The following CBX2 variants were observed in gnomAD, a reference collection of about 807,000 sequenced individuals.
The protein encoded by CBX2 is chromobox 2.
In CBX2, 11 loss-of-function variants were observed where a neutral mutation model predicts 21.0. The ratio of observed to expected loss-of-function variants is 0.52; its 90% CI spans 0.33 to 0.87. The LOEUF (loss-of-function observed/expected upper bound fraction) is 0.87, where lower values mean the gene tolerates loss of function less well. Ranked by LOEUF, CBX2 falls within the 40% of genes least tolerant of loss-of-function variation. The pLI is 0.02. For missense variants in CBX2, 746 were observed against 724.3 expected, an observed-to-expected ratio of 1.03 and a Z score of -0.34; for synonymous variants, 364 against 304.6, an observed-to-expected ratio of 1.19 and a Z score of -2.03.
rs146970180 is a variant in CBX2, at chr17:79,784,541, C to T, written c.1098C>T (p.Pro366=). 96 of 1,612,566 alleles carry T rather than the reference C, an allele frequency of 6.0e-5. No homozygotes were observed. The Admixed American group carries it at 9.5e-4, about 16-fold the overall frequency. Residue 366 remains proline, a synonymous_variant, in exon 5 of 5, where the codon CCC becomes CCT. Coordinates refer to ENST00000310942, the MANE Select transcript of CBX2 (RefSeq NM_005189.3). The surrounding 1 kb of genome is among the most constrained non-coding windows in gnomAD (Gnocchi z 5.9). ...TGCAGAGTGTCAAGAATGGCATGCC[C>T]GGGGTGGGTCTCCTTGCCCGCCACG... is the stretch of plus-strand genomic sequence containing the variant. ...LDLQSVKNGM[P]GVGLLARHAT...
At position 79,784,582 on chromosome 17, in the gene CBX2, G is replaced by T. The variant is rs782564910; in HGVS notation, c.1139G>T (p.Gly380Val). 1.9e-6 allele frequency: 3 copies of T among 1,612,684 alleles called. No homozygotes were observed. The highest frequency in any genetic ancestry group is 8.5e-7 in the Non-Finnish European group (1 of 1,179,948). Reference sequence around the variant, plus strand: ...GCCCGCCACGCCACCGCCACCAAGGGTGTCCCGGCCACCAACCCAGCCCCT... The same window carrying T: ...GCCCGCCACGCCACCGCCACCAAGGTTGTCCCGGCCACCAACCCAGCCCCT... ...LLARHATATK[G>V]VPATNPAPGK... Residue 380 changes from glycine (G) to valine (V), a missense_variant, in exon 5 of 5, where the codon GGT (glycine) becomes GTT (valine). Gly to Val is a moderately radical substitution (Grantham distance 109). This residue lies in a region of CBX2 where 701 missense variants were observed against 650.7 expected (regional missense o/e 1.08). Coordinates refer to ENST00000310942, the MANE Select transcript of CBX2 (RefSeq NM_005189.3). This position sits in a 1 kb window ranked among gnomAD's most constrained non-coding sequence, Gnocchi z 5.9.
chr17:79,785,139 G>C lies in CBX2; in HGVS notation c.*97G>C. Reference sequence around the variant, plus strand: ...CCAGCCCAAGCCCCCTCAAGAGTCTGGGTCGGGGGAGGAGGAGTGGGTGGC... The same window carrying C: ...CCAGCCCAAGCCCCCTCAAGAGTCTCGGTCGGGGGAGGAGGAGTGGGTGGC... On this transcript the variant is annotated 3_prime_UTR_variant, in exon 5 of 5. Coordinates refer to ENST00000310942, the MANE Select transcript of CBX2 (RefSeq NM_005189.3). 1 of 1,107,570 alleles carries C rather than the reference G, an allele frequency of 9.0e-7. No individual in the cohort carries two copies. The highest frequency in any genetic ancestry group is 1.3e-6 in the Non-Finnish European group (1 of 745,236). The allele number at this position is 1,107,570 out of a possible 1,614,324, so 68.6% of individuals were successfully genotyped here. A position where few individuals can be genotyped will look rare whatever the true frequency, so the allele number is the denominator to read the frequency against.
rs782611959 is a variant in CBX2, at chr17:79,781,785, G to A, written c.272G>A (p.Arg91Gln). 3.0e-5 allele frequency: 48 copies of A among 1,613,962 alleles called. No homozygotes were observed. The highest frequency in any genetic ancestry group is 5.5e-5 in the South Asian group (5 of 91,090). Reference protein sequence around the residue: ...RKLTAMSSCSRRSKLKEPDAP... With the variant: ...RKLTAMSSCSQRSKLKEPDAP... Reference sequence around the variant, plus strand: ...CTCACTGCCATGTCCTCCTGCAGCCGGCGCTCCAAGCTCAAGGTGGGTGGC... The same window carrying A: ...CTCACTGCCATGTCCTCCTGCAGCCAGCGCTCCAAGCTCAAGGTGGGTGGC... Residue 91 changes from arginine to glutamine, a missense_variant, in exon 4 of 5, where the codon CGG (arginine) becomes CAG (glutamine). Physicochemically the swap from Arg to Gln is conservative, Grantham distance 43. Coordinates refer to ENST00000310942, the MANE Select transcript of CBX2 (RefSeq NM_005189.3).
In CBX2 at chr17:79,784,534, G is replaced by C. The variant is rs1907486878; in HGVS notation, c.1091G>C (p.Gly364Ala). ...QVLDLQSVKN[G>A]MPGVGLLARH... ...TTGGACTTGCAGAGTGTCAAGAATG[G>C]CATGCCCGGGGTGGGTCTCCTTGCC... is the stretch of plus-strand genomic sequence containing the variant. Residue 364 changes from glycine (G) to alanine (A), a missense_variant, in exon 5 of 5, where the codon GGC (glycine) becomes GCC (alanine). Transcript: ENST00000310942. The surrounding 1 kb of genome is among the most constrained non-coding windows in gnomAD (Gnocchi z 5.9). The C allele has an allele frequency of 1.9e-6, 3 of 1,612,612 alleles. No individual in the cohort carries two copies. The highest frequency in any genetic ancestry group is 2.5e-6 in the Non-Finnish European group (3 of 1,179,882).
rs138828014 is a variant in CBX2, at chr17:79,784,781, C to T, written c.1338C>T (p.Pro446=). 3.2e-5 allele frequency: 52 copies of T among 1,610,146 alleles called. No individual in the cohort carries two copies. In the African/African-American group the frequency reaches 3.9e-4, roughly 12 times the overall value. ...TPSGQESRTA[P]GEARKAATLP... Reference sequence around the variant, plus strand: ...GTGGGCAGGAGAGCCGCACAGCCCCCGGAGAAGCCCGCAAGGCGGCCACAC... The same window carrying T: ...GTGGGCAGGAGAGCCGCACAGCCCCTGGAGAAGCCCGCAAGGCGGCCACAC... The change falls in exon 5 of 5, where the codon CCC becomes CCT. Residue 446 remains proline (P), a synonymous_variant. Coordinates refer to ENST00000310942, the MANE Select transcript of CBX2 (RefSeq NM_005189.3). This position sits in a 1 kb window ranked among gnomAD's most constrained non-coding sequence, Gnocchi z 5.9.
rs1555830948 is a variant in CBX2, at chr17:79,783,742, C to A, written c.299C>A (p.Ala100Asp). The A allele has an allele frequency of 1.9e-6, 3 of 1,552,512 alleles. No individual in the cohort carries two copies. Among genetic ancestry groups the A allele is most frequent in the Non-Finnish European group, 2.6e-6 (3 of 1,147,336 alleles). The change falls in exon 5 of 5, where the codon GCT becomes GAT. Residue 100 changes from alanine to aspartate, a missense_variant. Around this residue, in one of 2 missense-constraint regions of CBX2, gnomAD observed 701 missense variants for 650.7 expected, o/e 1.08. Coordinates refer to ENST00000310942, the MANE Select transcript of CBX2 (RefSeq NM_005189.3). ...SRRSKLKEPD[A>D]PSKSKSSSSS... The stretch of plus-strand genomic sequence containing the variant: ...CCTTTATCTTTCCAGGAACCCGATG[C>A]TCCCTCCAAATCCAAGTCCAGCAGT...
chr17:79,782,863 A>C lies in CBX2; in HGVS notation c.289-869A>C, dbSNP rs35558545. On this transcript the variant is annotated intron_variant, in intron 4 of 4. Coordinates refer to ENST00000310942, the MANE Select transcript of CBX2 (RefSeq NM_005189.3). The stretch of plus-strand genomic sequence containing the variant: ...GCTGTAGAATTCTGACCCAGCAGGC[A>C]GCATGGCGGCCTGTAAAACACAAGG... Among the ~76,000 whole-genome samples, 979 of 152,304 alleles carry C rather than the reference A, an allele frequency of 6.4e-3. 9 individuals carry two copies. The highest frequency in any genetic ancestry group is 0.017 in the Middle Eastern group (5 of 294).
chr17:79,784,571 C>A lies in CBX2; in HGVS notation c.1128C>A (p.Thr376=). 3.7e-6 allele frequency: 6 copies of A among 1,612,624 alleles called. No individual in the cohort carries two copies. Among genetic ancestry groups the A allele is most frequent in the Non-Finnish European group, 1.7e-6 (2 of 1,179,916 alleles). ...PGVGLLARHA[T]ATKGVPATNP... is the part of the protein sequence containing the mutation. Reference sequence around the variant, plus strand: ...TGGGTCTCCTTGCCCGCCACGCCACCGCCACCAAGGGTGTCCCGGCCACCA... The same window carrying A: ...TGGGTCTCCTTGCCCGCCACGCCACAGCCACCAAGGGTGTCCCGGCCACCA... Residue 376 remains threonine, a synonymous_variant, in exon 5 of 5, where the codon ACC becomes ACA. Coordinates refer to ENST00000310942, the MANE Select transcript of CBX2 (RefSeq NM_005189.3). The surrounding 1 kb of genome is among the most constrained non-coding windows in gnomAD (Gnocchi z 5.9).
chr17:79,784,975 A>G lies in CBX2; in HGVS notation c.1532A>G (p.Asn511Ser). Residue 511 changes from asparagine to serine, a missense_variant, in exon 5 of 5, where the codon AAC (asparagine) becomes AGC (serine). Asn to Ser is a conservative substitution (Grantham distance 46). This residue lies in a region of CBX2 where 701 missense variants were observed against 650.7 expected (regional missense o/e 1.08). Transcript: ENST00000310942. This position sits in a 1 kb window ranked among gnomAD's most constrained non-coding sequence, Gnocchi z 5.9. ...EHVFVTDVTA[N>S]LITVTVKESP... ...GTATTTGTCACCGACGTCACTGCCA[A>G]CCTCATCACCGTCACAGTGAAGGAG... The G allele has an allele frequency of 1.2e-6, 2 of 1,608,454 alleles. No individual in the cohort carries two copies. Among genetic ancestry groups the G allele is most frequent in the Non-Finnish European group, 8.5e-7 (1 of 1,179,984 alleles).
rs1195856314 is a variant in CBX2 at position 79,783,851 on chromosome 17, C to T, written c.408C>T (p.Gly136=). 2 of 1,613,416 alleles carry T rather than the reference C, an allele frequency of 1.2e-6. No homozygotes were observed. The highest frequency in any genetic ancestry group is 2.2e-5 in the East Asian group (1 of 44,854). The part of the protein sequence containing the change: ...SDLDAKRGPR[G]RETHPVPQKK... ...TAGATGCTAAGAGGGGTCCCCGGGG[C>T]CGCGAGACCCACCCAGTGCCGCAGA... The change falls in exon 5 of 5, where the codon GGC becomes GGT. Residue 136 remains glycine, a synonymous_variant. Coordinates refer to ENST00000310942, the MANE Select transcript of CBX2 (RefSeq NM_005189.3).
intron 4 of CBX2, chr17:79,782,424 A>G: frequency 7.6e-7 from 1 of 1,320,396 alleles, no homozygotes; most frequent in African/African-American, 1.5e-5. Context: ...GGTCCGTGGT[A>G]GGGCCCCTCC....
chr17:79,783,369 C>G (rs1444481222), intron 4 of CBX2, among the ~76,000 whole-genome samples: 2 of 151,902 alleles, frequency 1.3e-5, no homozygotes, highest in African/African-American at 4.8e-5. Flanking sequence ...CGCTCTGGAC[C>G]CTGGGAACAG....
In CBX2 at chr17:79,784,753, C is replaced by G. The variant is rs782233772; in HGVS notation, c.1310C>G (p.Pro437Arg). The change falls in exon 5 of 5, where the codon CCC becomes CGC. Residue 437 changes from proline to arginine, a missense_variant. By Grantham distance (103) the Pro-to-Arg change is moderately radical. This residue lies in a region of CBX2 where 701 missense variants were observed against 650.7 expected (regional missense o/e 1.08). Coordinates refer to ENST00000310942, the MANE Select transcript of CBX2 (RefSeq NM_005189.3). This position sits in a 1 kb window ranked among gnomAD's most constrained non-coding sequence, Gnocchi z 5.9. Reference protein sequence around the residue: ...KRDCVKGSATPSGQESRTAPG... With the variant: ...KRDCVKGSATRSGQESRTAPG... ...GACTGTGTCAAGGGCAGTGCTACCC[C>G]CAGTGGGCAGGAGAGCCGCACAGCC... 9.3e-6 allele frequency: 15 copies of G among 1,610,930 alleles called. No homozygotes were observed. The South Asian group carries it at 1.1e-4, about 12-fold the overall frequency.
At position 79,784,809 on chromosome 17, in the gene CBX2, C is replaced by G. The variant is rs1555831373; in HGVS notation, c.1366C>G (p.Pro456Ala). The change falls in exon 5 of 5, where the codon CCA (proline) becomes GCA (alanine). Residue 456 changes from proline to alanine, a missense_variant. Pro to Ala is a conservative substitution (Grantham distance 27). Coordinates refer to ENST00000310942, the MANE Select transcript of CBX2 (RefSeq NM_005189.3). This position sits in a 1 kb window ranked among gnomAD's most constrained non-coding sequence, Gnocchi z 5.9. ...PGEARKAATL[P>A]EMSAGEESSS... is the part of the protein sequence containing the mutation. ...AGAAGCCCGCAAGGCGGCCACACTG[C>G]CAGAGATGAGCGCAGGTGAGGAGAG... The G allele has an allele frequency of 4.3e-6, 7 of 1,611,396 alleles. No individual in the cohort carries two copies. Among genetic ancestry groups the G allele is most frequent in the Non-Finnish European group, 5.9e-6 (7 of 1,179,148 alleles).
At position 79,786,812 on chromosome 17, in the gene CBX2, C is replaced by T. The variant is rs1907670016; in HGVS notation, c.*1770C>T. 1 of 152,662 alleles carries T rather than the reference C, an allele frequency of 6.6e-6. No individual in the cohort carries two copies. The highest frequency in any genetic ancestry group is 6.5e-5 in the Admixed American group (1 of 15,280). 9.5% of individuals were successfully genotyped at this position (152,662 alleles called of 1,614,324 possible). ...GGGGCAGGCGTACCAGACTGCAAGA[C>T]CCCCCAGTACCTCACCGTGCCAAAT... On this transcript the variant is annotated 3_prime_UTR_variant, in exon 5 of 5. Transcript: ENST00000310942.
chr17:79,779,070 TG>T (rs1555829687), intron 2 of CBX2, among the ~76,000 whole-genome samples: 1 of 152,138 alleles, frequency 6.6e-6, no homozygotes, highest in Non-Finnish European at 1.5e-5. Context: ...TTGCGTTTTA[TG>T]GGGGTTTGTT....
chr17:79,783,247 C>CA (rs1332309961), intron 4 of CBX2, among the ~76,000 whole-genome samples: 3 of 152,114 alleles, frequency 2.0e-5, no homozygotes, highest in Non-Finnish European at 2.9e-5. Context: ...TTTTGCCTCT[C>CA]ATGGAACTGT....
intron 4 of CBX2, 48 bp downstream of exon 4, chr17:79,781,849 T>C (rs782810351): frequency 7.4e-6 from 12 of 1,613,858 alleles, no homozygotes; most frequent in Non-Finnish European, 9.3e-6. Context: ...AGCACCCCCT[T>C]GGCGTAGGGG....
intron 3 of CBX2, among the ~76,000 whole-genome samples, chr17:79,781,174 G>A (rs1907167035): frequency 6.6e-6 from 1 of 152,136 alleles, no homozygotes; most frequent in African/African-American, 2.4e-5. Context: ...TTTTTAAAAA[G>A]GAAACAAGGA....
Sources: allele counts gnomAD v4.1 joint callset (sites outside exome capture counted in the v4.1 genomes callset), GRCh38; gene constraint gnomAD v4.1.1; regional missense constraint gnomAD v4.1.1; non-coding constraint Gnocchi (gnomAD v3.1); transcripts MANE v1.5; gene names NCBI Gene and HGNC (gene_info 2026-07-23, HGNC 2026-07-21).